CADM2: variants seen among roughly 807,000 people sequenced by gnomAD.
CADM2 encodes the protein cell adhesion molecule 2.
CADM2 carries 12 observed loss-of-function variants against 49.8 expected under a neutral mutation model. The ratio of observed to expected loss-of-function variants is 0.24; its 90% confidence interval spans 0.15 to 0.39. CADM2 has a LOEUF of 0.39. Among genes scored for constraint, CADM2 ranks in the 10% least tolerant of loss-of-function variants. The pLI, the probability that CADM2 is intolerant of heterozygous loss-of-function variation, is 1.00. For missense variants in CADM2, 378 were observed against 492.3 expected (o/e 0.77, Z 2.20); for synonymous variants, 214 against 175.4 (o/e 1.22, Z -1.74).
chr3:85,425,558 A>G (rs2036361751), intron 1 of CADM2, among the ~76,000 whole-genome samples: 13 of 152,196 alleles, frequency 8.5e-5, no homozygotes, highest in Admixed American at 8.5e-4. Flanking sequence ...ATTATTTTTA[A>G]ATATATTCTC....
intron 1 of CADM2, among the ~76,000 whole-genome samples, chr3:85,271,096 C>T (rs928725703): frequency 5.3e-5 from 8 of 151,176 alleles, no homozygotes; most frequent in Non-Finnish European, 7.4e-5. Flanking sequence ...TAGCAGTGTC[C>T]GGATCAAAGT....
intron 1 of CADM2, among the ~76,000 whole-genome samples, chr3:85,078,547 T>C (rs1459783109): frequency 1.3e-5 from 2 of 151,916 alleles, no homozygotes; most frequent in African/African-American, 2.4e-5. Flanking sequence ...ACAAAAATCA[T>C]TGAAATAAAG....
At chr3:86,036,907 T>C (rs1157327856) in intron 8 of CADM2, among the ~76,000 whole-genome samples, 2 of 152,168 alleles carry the variant, frequency 1.3e-5, no homozygotes, top group Non-Finnish European at 2.9e-5. Context: ...CTGGCTTCAA[T>C]ATTTAGTTCT....
At chr3:85,070,960 G>T (rs1205959170) in intron 1 of CADM2, among the ~76,000 whole-genome samples, 1 of 151,434 alleles carries the variant, frequency 6.6e-6, no homozygotes, top group Non-Finnish European at 1.5e-5. Context: ...CCGCACTCCA[G>T]CCTGGGCAAT....
chr3:85,234,762 A>G (rs917982496), intron 1 of CADM2, among the ~76,000 whole-genome samples: 3 of 152,106 alleles, frequency 2.0e-5, no homozygotes, highest in African/African-American at 7.2e-5. Flanking sequence ...GAGTAGTAGT[A>G]CTCTCCAGAG....
At chr3:85,329,739 CAT>C (rs771813082) in intron 1 of CADM2, among the ~76,000 whole-genome samples, 11 of 151,702 alleles carry the variant, frequency 7.3e-5, no homozygotes, top group East Asian at 1.9e-4. Context: ...ACATATATAA[CAT>C]ATGTTTCCAT....
At chr3:85,111,163 A>G (rs1208730146) in intron 1 of CADM2, among the ~76,000 whole-genome samples, 1 of 151,916 alleles carries the variant, frequency 6.6e-6, no homozygotes, top group Non-Finnish European at 1.5e-5. Flanking sequence ...ATTTCAAATC[A>G]TATAGGTATG....
intron 8 of CADM2, among the ~76,000 whole-genome samples, chr3:86,006,582 G>C (rs775560734): frequency 6.6e-6 from 1 of 152,060 alleles, no homozygotes; most frequent in Non-Finnish European, 1.5e-5. Flanking sequence ...TTTTCTATTA[G>C]GAATAAGCTG....
intron 3 of CADM2, among the ~76,000 whole-genome samples, chr3:85,863,869 A>G (rs1287935292): frequency 1.3e-5 from 2 of 152,216 alleles, no homozygotes; most frequent in Non-Finnish European, 2.9e-5. Flanking sequence ...ATGAAAGTGT[A>G]GTAGCATCTA....
At chr3:85,028,579 C>G (rs575752374) in intron 1 of CADM2, among the ~76,000 whole-genome samples, 1 of 152,098 alleles carries the variant, frequency 6.6e-6, no homozygotes, top group African/African-American at 2.4e-5. Flanking sequence ...ACAAAACTCT[C>G]TGGAGACCTT....
chr3:85,133,798 C>T (rs1028979665), intron 1 of CADM2, among the ~76,000 whole-genome samples: 14 of 152,238 alleles, frequency 9.2e-5, no homozygotes, highest in Admixed American at 6.5e-4. Flanking sequence ...GCTGGCTTCA[C>T]CCAGTGGATC....
intron 8 of CADM2, among the ~76,000 whole-genome samples, chr3:86,063,928 T>G (rs1482018305): frequency 1.3e-5 from 2 of 152,084 alleles, no homozygotes; most frequent in Admixed American, 6.6e-5. Flanking sequence ...TGAGTCTTAG[T>G]GGATTTTATT....
At chr3:85,655,733 C>T (rs547908251) in intron 1 of CADM2, among the ~76,000 whole-genome samples, 3 of 152,154 alleles carry the variant, frequency 2.0e-5, no homozygotes, top group African/African-American at 7.2e-5. Flanking sequence ...AAGCTAGTGA[C>T]TCTCAAACTC....
At chr3:85,955,668 G>T (rs1723966236) in intron 7 of CADM2, among the ~76,000 whole-genome samples, 1 of 151,470 alleles carries the variant, frequency 6.6e-6, no homozygotes, top group South Asian at 2.1e-4. Flanking sequence ...AATCAGGTTT[G>T]TATCTGGTTC....
At chr3:85,342,605 G>T (rs1186936341) in intron 1 of CADM2, among the ~76,000 whole-genome samples, 2 of 151,808 alleles carry the variant, frequency 1.3e-5, no homozygotes, top group Non-Finnish European at 2.9e-5. Flanking sequence ...CATGCCTTGT[G>T]GGATCAAAAG....
At chr3:85,323,321 T>C (rs72903224) in intron 1 of CADM2, among the ~76,000 whole-genome samples, 12,037 of 152,138 alleles carry the variant, frequency 0.079, 911 homozygotes, top group African/African-American at 0.2. Flanking sequence ...AATTCTGCAA[T>C]ATATATGCAT....
chr3:85,400,445 A>G (rs1040922276), intron 1 of CADM2, among the ~76,000 whole-genome samples: 15 of 152,174 alleles, frequency 9.9e-5, no homozygotes, highest in East Asian at 5.8e-4. Flanking sequence ...CTTTGGTATC[A>G]GGATGATACT....
chr3:85,075,584 T>C (rs2036913583), intron 1 of CADM2, among the ~76,000 whole-genome samples: 1 of 152,148 alleles, frequency 6.6e-6, no homozygotes, highest in Non-Finnish European at 1.5e-5. Context: ...TACATTTACT[T>C]AATATTCTCA....
intron 1 of CADM2, among the ~76,000 whole-genome samples, chr3:85,666,780 T>C (rs998919365): frequency 2.0e-5 from 3 of 151,818 alleles, no homozygotes; most frequent in Non-Finnish European, 4.4e-5. Flanking sequence ...CAGAGAGTGA[T>C]CTTCCTAGGT....
Sources: gnomAD v4.1 joint callset for allele counts (sites outside exome capture counted in the v4.1 genomes callset) on GRCh38, gnomAD v4.1.1 for gene constraint, MANE v1.5 for transcripts, NCBI Gene and HGNC (gene_info 2026-07-23, HGNC 2026-07-21) for gene names.